The following SFPQ variants were observed in gnomAD, a reference collection of about 807,000 sequenced individuals.
SFPQ encodes splicing factor proline and glutamine rich, also known as splicing factor, proline- and glutamine-rich.
SFPQ carries 11 observed loss-of-function variants against 72.9 expected under a neutral mutation model. The observed-to-expected ratio is 0.15, with a 90% confidence interval of 0.09 to 0.25. The LOEUF (loss-of-function observed/expected upper bound fraction) is 0.25. Among genes scored for constraint, SFPQ ranks in the 10% least tolerant of loss-of-function variants. The pLI is 1.00. For missense variants in SFPQ, 847 were observed against 993.3 expected (o/e 0.85, Z 1.98); for synonymous variants, 506 against 367.3 (o/e 1.38, Z -4.32).
Position 35,190,838 on chromosome 1 carries a change from C to G in SFPQ, c.1175G>C (p.Ser392Thr). The G allele has an allele frequency of 6.2e-7, 1 of 1,614,164 alleles. No homozygotes were observed. Among genetic ancestry groups the G allele is most frequent in the Non-Finnish European group, 8.5e-7 (1 of 1,180,034 alleles). The change falls in exon 3 of 10, where the codon AGC becomes ACC. Residue 392 changes from serine to threonine, a missense_variant. Around this residue, in one of 6 missense-constraint regions of SFPQ, gnomAD observed 132 missense variants for 255.4 expected, o/e 0.52. Transcript: ENST00000357214. ...AGCCCTTTCAATAGGACCAAATTGGCTAAAGGCTTCTTCCAACAGTTCATT... is the reference window on the plus strand; with the variant it reads ...AGCCCTTTCAATAGGACCAAATTGGGTAAAGGCTTCTTCCAACAGTTCATT... ...VSNELLEEAF[S>T]QFGPIERAVV...
At chr1:35,180,248 C>A, downstream of SFPQ, 1 of 1,051,156 alleles carries the variant, frequency 9.5e-7, no homozygotes, top group Non-Finnish European at 1.1e-6. Context: ...GTTCAGAGAC[C>A]AAGAAGTTGA....
chr1:35,181,875 AC>A (rs1639483730), downstream of SFPQ: 1 of 985,196 alleles, frequency 1.0e-6, no homozygotes, highest in Non-Finnish European at 1.2e-6. Context: ...TAAGCTTACA[AC>A]CCTGAGTACA....
In SFPQ at chr1:35,187,242, C is replaced by G; in HGVS notation, c.1825G>C (p.Asp609His). The G allele has an allele frequency of 6.2e-7, 1 of 1,614,190 alleles. No individual in the cohort carries two copies. Among genetic ancestry groups the G allele is most frequent in the Non-Finnish European group, 8.5e-7 (1 of 1,180,028 alleles). Residue 609 changes from aspartate to histidine, a missense_variant, in exon 8 of 10, where the codon GAC becomes CAC. This residue lies in a region of SFPQ where 154 missense variants were observed against 186.0 expected (regional missense o/e 0.83). Transcript: ENST00000357214. ...RMGYMDPRER[D>H]MRMGGGGAMN... Reference sequence around the variant, plus strand: ...GCTCCTCCGCCACCCATTCGCATGTCTCTTTCCCGCTGCAAGAAAAAAATT... The same window carrying G: ...GCTCCTCCGCCACCCATTCGCATGTGTCTTTCCCGCTGCAAGAAAAAAATT...
At chr1:35,182,723 A>G, downstream of SFPQ, 1 of 985,454 alleles carries the variant, frequency 1.0e-6, no homozygotes, top group Non-Finnish European at 1.2e-6. Context: ...TACAATGTAC[A>G]GATTTGAATG....
Position 35,187,230 on chromosome 1 carries a change from C to T in SFPQ, c.1837G>A (p.Gly613Ser), listed in dbSNP as rs928753019. The stretch of plus-strand genomic sequence containing the variant: ...CCCATGTTCATTGCTCCTCCGCCAC[C>T]CATTCGCATGTCTCTTTCCCGCTGC... The part of the protein sequence containing the change: ...MDPRERDMRM[G>S]GGGAMNMGDP... The change falls in exon 8 of 10, where the codon GGT becomes AGT. Residue 613 changes from glycine (G) to serine (S), a missense_variant. By Grantham distance (56) the Gly-to-Ser change is moderately conservative (BLOSUM62 0). Around this residue, in one of 6 missense-constraint regions of SFPQ, gnomAD observed 154 missense variants for 186.0 expected, o/e 0.83. Transcript: ENST00000357214. The T allele has an allele frequency of 5.0e-6, 8 of 1,614,068 alleles. No individual in the cohort carries two copies. The African/African-American group carries it at 8.0e-5, about 16-fold the overall frequency.
At position 35,183,080 on chromosome 1, in the gene SFPQ, T is replaced by G. The variant is rs932608323; in HGVS notation, c.*1376A>C. On this transcript the variant is annotated 3_prime_UTR_variant, in exon 10 of 10. Transcript: ENST00000357214. ...TAAGAATGATTATCTGCAACCCTAT[T>G]TGTTAACAATCACCACTAGCTCTTA... 2 of 1,031,584 alleles carry G rather than the reference T, an allele frequency of 1.9e-6. No homozygotes were observed. The highest frequency in any genetic ancestry group is 1.7e-5 in the African/African-American group (1 of 58,726). The allele number at this position is 1,031,584 out of a possible 1,614,324, so 63.9% of individuals were successfully genotyped here. A position where few individuals can be genotyped will look rare whatever the true frequency, so the allele number is the denominator to read the frequency against.
At position 35,186,995 on chromosome 1, in the gene SFPQ, C is replaced by T; in HGVS notation, c.1986+6G>A. On this transcript the variant is annotated splice_donor_region_variant and intron_variant, in intron 9 of 9. Transcript: ENST00000357214. ...CCTTGGTACTACGTCCCACAGGATA[C>T]ATTACCATGTCACTTCCCATCATGG... 1 of 1,612,736 alleles carries T rather than the reference C, an allele frequency of 6.2e-7. No individual in the cohort carries two copies. Among genetic ancestry groups the T allele is most frequent in the Non-Finnish European group, 8.5e-7 (1 of 1,179,032 alleles).
In SFPQ at chr1:35,191,791, G is replaced by A. The variant is rs574604425; in HGVS notation, c.829-262C>T. On this transcript the variant is annotated intron_variant, in intron 1 of 9. Coordinates refer to ENST00000357214, the MANE Select transcript of SFPQ (RefSeq NM_005066.3). ...CAACTGTCACCCACATATGTTGAGT[G>A]TCCCTAAAAAAATCTAAATAGTATG... is the stretch of plus-strand genomic sequence containing the variant. Among the ~76,000 whole-genome samples the A allele has an allele frequency of 5.3e-5, 8 of 152,266 alleles. No individual in the cohort carries two copies. In the South Asian group the frequency reaches 1.7e-3, roughly 32 times the overall value.
At chr1:35,178,560 C>G (rs746409757), downstream of SFPQ, 1 of 1,059,618 alleles carries the variant, frequency 9.4e-7, no homozygotes, top group African/African-American at 1.6e-5. Flanking sequence ...TTACCTCATT[C>G]TTTCCCATCT....
At chr1:35,180,533 A>G, downstream of SFPQ, 1 of 1,049,628 alleles carries the variant, frequency 9.5e-7, no homozygotes, top group Non-Finnish European at 1.2e-6. Flanking sequence ...ACATTTAGAC[A>G]AGTCCCATAA....
rs1237250048 is a variant in SFPQ at position 35,192,747 on chromosome 1, T to TGGC, written c.300_302dup (p.Pro103dup). 6.0e-6 allele frequency: 9 copies of TGGC among 1,493,752 alleles called. No individual in the cohort carries two copies. The highest frequency in any genetic ancestry group is 2.7e-5 in the East Asian group (1 of 36,956). 92.5% of individuals were successfully genotyped at this position (1,493,752 alleles called of 1,614,324 possible). Reference sequence around the variant, plus strand: ...CGGGCTTGGAAGAGTCCTGCGGCGGTGGCGGCGGCTGCTGCTGCTGATGCG... The same window carrying TGGC: ...CGGGCTTGGAAGAGTCCTGCGGCGGTGGCGGCGGCGGCTGCTGCTGCTGATGCG... On this transcript the variant is annotated inframe_insertion, in exon 1 of 10. Coordinates refer to ENST00000357214, the MANE Select transcript of SFPQ (RefSeq NM_005066.3).
downstream of SFPQ, chr1:35,182,058 C>T (rs967786428): frequency 3.0e-6 from 3 of 985,158 alleles, no homozygotes; most frequent in Non-Finnish European, 3.6e-6. Context: ...CTACCAAAAG[C>T]TTATTTTAGG....
At position 35,189,295 on chromosome 1, in the gene SFPQ, T is replaced by C. The variant is rs1639878352; in HGVS notation, c.1503A>G (p.Glu501=). The change falls in exon 5 of 10, where the codon GAA becomes GAG. Residue 501 remains glutamate (E), a synonymous_variant. Transcript: ENST00000357214. ...TTTCAACTTGTTCCCTTTGCTGTTTTTCCATTTCATCCAAAGACTTCCATC... is the reference window on the plus strand; with the variant it reads ...TTTCAACTTGTTCCCTTTGCTGTTTCTCCATTTCATCCAAAGACTTCCATC... ...SQRWKSLDEM[E]KQQREQVEKN... is the part of the protein sequence containing the mutation. The C allele has an allele frequency of 6.2e-7, 1 of 1,614,144 alleles. No individual in the cohort carries two copies. The highest frequency in any genetic ancestry group is 8.5e-7 in the Non-Finnish European group (1 of 1,179,960).
intron 5 of SFPQ, chr1:35,176,502 G>A (rs1049575060): frequency 5.6e-4 from 85 of 151,934 alleles, no homozygotes; most frequent in African/African-American, 2.0e-3. Flanking sequence ...TTACTCCAAA[G>A]GATACAAGAA....
intron 6 of SFPQ, among the ~76,000 whole-genome samples, chr1:35,188,492 AG>A (rs1489620575): frequency 1.3e-5 from 2 of 152,138 alleles, no homozygotes; most frequent in Middle Eastern, 3.2e-3. Context: ...TAGGCAATAT[AG>A]GAAGACTCCA....
chr1:35,191,135 A>C, intron 2 of SFPQ, 140 bp from the exon 3 acceptor site: 1 of 838,256 alleles, frequency 1.2e-6, no homozygotes, highest in East Asian at 2.7e-5. Flanking sequence ...CACTAACACC[A>C]CTTAGTTTAC....
rs761492030 is a variant in SFPQ, at chr1:35,193,029, C to T, written c.21G>A (p.Arg7=). Residue 7 remains arginine, a synonymous_variant, in exon 1 of 10, where the codon CGG becomes CGA. Coordinates refer to ENST00000357214, the MANE Select transcript of SFPQ (RefSeq NM_005066.3). ...AGCCACCACCGCCACCGCCACGACT[C>T]CGGAACCGATCCCGAGACATGTCTG... The part of the protein sequence containing the change: MSRDRF[R]SRGGGGGGFH... 23 of 1,587,538 alleles carry T rather than the reference C, an allele frequency of 1.4e-5. No homozygotes were observed. The East Asian group carries it at 4.3e-4, about 30-fold the overall frequency.
In SFPQ at chr1:35,192,345, A is replaced by T; in HGVS notation, c.705T>A (p.His235Gln). 2 of 1,398,960 alleles carry T rather than the reference A, an allele frequency of 1.4e-6. No homozygotes were observed. Among genetic ancestry groups the T allele is most frequent in the Non-Finnish European group, 1.8e-6 (2 of 1,090,602 alleles). 86.7% of individuals were successfully genotyped at this position (1,398,960 alleles called of 1,614,324 possible). Residue 235 changes from histidine (H) to glutamine (Q), a missense_variant, in exon 1 of 10, where the codon CAT (histidine) becomes CAA (glutamine). His to Gln is a conservative substitution (Grantham distance 24, BLOSUM62 0). Around this residue, in one of 6 missense-constraint regions of SFPQ, gnomAD observed 498 missense variants for 405.1 expected, o/e 1.23. Transcript: ENST00000357214. ...CCCCGCGGGGCTCCCCGCCGCCTCG[A>T]TGCGGCGGCTTGGGGTGGCCGCCAG... ...STPGGHPKPP[H>Q]RGGGEPRGGR...
chr1:35,184,345 A>G lies in SFPQ; in HGVS notation c.*111T>C. 2 of 1,539,984 alleles carry G rather than the reference A, an allele frequency of 1.3e-6. No individual in the cohort carries two copies. The highest frequency in any genetic ancestry group is 2.4e-5 in the Admixed American group (1 of 41,530). On this transcript the variant is annotated 3_prime_UTR_variant, in exon 10 of 10. Coordinates refer to ENST00000357214, the MANE Select transcript of SFPQ (RefSeq NM_005066.3). ...CCATTTACAAATATTAGGTCAATAA[A>G]CTGCTAACATCCATAAAAAGATAGC...
Sources: gnomAD v4.1 joint callset for allele counts (sites outside exome capture counted in the v4.1 genomes callset) on GRCh38, gnomAD v4.1.1 for gene constraint, gnomAD v4.1.1 regional missense constraint, MANE v1.5 for transcripts, NCBI Gene and HGNC (gene_info 2026-07-23, HGNC 2026-07-21) for gene names.